Variants in KCNQ1 observed in about 807,000 individuals in gnomAD.
The protein encoded by KCNQ1 is potassium voltage-gated channel subfamily Q member 1.
In KCNQ1, 49 loss-of-function variants were observed where a neutral mutation model predicts 72.4. The observed-to-expected ratio is 0.68, with a 90% CI of 0.54 to 0.86. KCNQ1 has a LOEUF of 0.86. KCNQ1 is among the 40% of genes least tolerant of loss of function. The pLI, the probability that KCNQ1 is intolerant of heterozygous loss-of-function variation, is 0.00. For synonymous variants in KCNQ1, 450 were observed against 412.6 expected, an observed-to-expected ratio of 1.09 and a Z score of -1.10; for missense variants, 790 against 945.1, an observed-to-expected ratio of 0.84 and a Z score of 2.15.
chr11:2,515,607 G>C lies in KCNQ1; in HGVS notation c.387-12321G>C, dbSNP rs570733096. ...GGTGGGGGGTGCACAGGTGCATCTGGTCTGCCCAGCCCCTCCTCACCCTAG... is the reference window on the plus strand; with the variant it reads ...GGTGGGGGGTGCACAGGTGCATCTGCTCTGCCCAGCCCCTCCTCACCCTAG... On this transcript the variant is annotated intron_variant, in intron 1 of 15. Transcript: ENST00000155840. This position sits in a 1 kb window ranked among gnomAD's most constrained non-coding sequence, Gnocchi z 4.7. 2.6e-5 allele frequency among the ~76,000 whole-genome samples: 4 copies of C among 152,276 alleles called. No individual in the cohort carries two copies. The East Asian group carries it at 7.7e-4, about 29-fold the overall frequency.
chr11:2,480,790 C>G (rs1846639088), intron 1 of KCNQ1, among the ~76,000 whole-genome samples: 1 of 150,814 alleles, frequency 6.6e-6, no homozygotes, highest in African/African-American at 2.4e-5. Flanking sequence ...GACAACAGTA[C>G]CACATGGTTA....
intron 11 of KCNQ1, chr11:2,665,552 C>T (rs1850052120): frequency 2.5e-6 from 1 of 394,608 alleles, no homozygotes; most frequent in African/African-American, 2.1e-5. Context: ...CCATCTGCAG[C>T]CACCAGATTT....
chr11:2,743,387 G>A (rs1343270546), intron 11 of KCNQ1, among the ~76,000 whole-genome samples: 1 of 152,206 alleles, frequency 6.6e-6, no homozygotes, highest in Admixed American at 6.5e-5. Flanking sequence ...CTCAGAGCAG[G>A]CCCACCACCC....
chr11:2,632,832 A>C (rs1001172654), intron 10 of KCNQ1: 8 of 398,324 alleles, frequency 2.0e-5, no homozygotes, highest in African/African-American at 1.6e-4. Context: ...ATGGAGATTT[A>C]AGTTGATTCC....
At chr11:2,825,513 GCC>G in intron 15 of KCNQ1, among the ~76,000 whole-genome samples, 1 of 152,344 alleles carries the variant, frequency 6.6e-6, no homozygotes, top group East Asian at 1.9e-4. Flanking sequence ...CAGGGGCCCC[GCC>G]CATGTGCCTG....
chr11:2,749,303 G>A (rs1017425337), intron 11 of KCNQ1, among the ~76,000 whole-genome samples: 1 of 151,990 alleles, frequency 6.6e-6, no homozygotes, highest in African/African-American at 2.4e-5. Context: ...CCTAGAAATC[G>A]AGGGGTGTCG....
intron 2 of KCNQ1, among the ~76,000 whole-genome samples, chr11:2,534,337 G>A (rs966558853): frequency 6.6e-6 from 1 of 152,248 alleles, no homozygotes; most frequent in African/African-American, 2.4e-5. Flanking sequence ...CTCTGCGCAC[G>A]GCCTGGGGCG....
At chr11:2,580,875 G>A (rs1376026437) in intron 6 of KCNQ1, among the ~76,000 whole-genome samples, 2 of 152,194 alleles carry the variant, frequency 1.3e-5, no homozygotes, top group African/African-American at 2.4e-5. Context: ...CTCAAGTCTC[G>A]GGCTGCACGT....
intron 2 of KCNQ1, among the ~76,000 whole-genome samples, chr11:2,568,564 A>G (rs1848280418): frequency 6.6e-6 from 1 of 152,230 alleles, no homozygotes; most frequent in African/African-American, 2.4e-5. Context: ...GCAGTTTCTC[A>G]GAAGCAAAGA....
In KCNQ1 at chr11:2,690,712, T is replaced by G; in HGVS notation, c.1514+28631T>G. 1 of 398,632 alleles carries G rather than the reference T, an allele frequency of 2.5e-6. No homozygotes were observed. The highest frequency in any genetic ancestry group is 4.4e-6 in the Non-Finnish European group (1 of 226,078). The allele number at this position is 398,632 out of a possible 1,614,324, so 24.7% of individuals were successfully genotyped here. A position where few individuals can be genotyped will look rare whatever the true frequency, so the allele number is the denominator to read the frequency against. On this transcript the variant is annotated intron_variant, in intron 11 of 15. Transcript: ENST00000155840. The surrounding 1 kb of genome is among the most constrained non-coding windows in gnomAD (Gnocchi z 5.1). ...TCTCAGAATTCCTGAGGGCTTTCCATTTGATCCCAGTGGTTGAAGATGGAG... is the reference window on the plus strand; with the variant it reads ...TCTCAGAATTCCTGAGGGCTTTCCAGTTGATCCCAGTGGTTGAAGATGGAG...
At chr11:2,755,397 C>T (rs1162471216) in intron 11 of KCNQ1, among the ~76,000 whole-genome samples, 9 of 152,158 alleles carry the variant, frequency 5.9e-5, no homozygotes, top group South Asian at 2.1e-4. Context: ...ACTACACGCA[C>T]GTGCCACCGC....
chr11:2,821,639 C>A (rs1847739841), intron 15 of KCNQ1, among the ~76,000 whole-genome samples: 1 of 152,166 alleles, frequency 6.6e-6, no homozygotes, highest in Non-Finnish European at 1.5e-5. Context: ...TGGGATGGGC[C>A]TTGCGTGCTG....
intron 11 of KCNQ1, among the ~76,000 whole-genome samples, chr11:2,741,155 G>A (rs531116261): frequency 1.3e-5 from 2 of 152,308 alleles, no homozygotes; most frequent in African/African-American, 4.8e-5. Context: ...AGTCTCTGGT[G>A]AGTCTCAGAC....
Position 2,471,725 on chromosome 11 carries a change from GGC to G in KCNQ1, c.386+26243_386+26244del, listed in dbSNP as rs1846466540. 7.2e-6 allele frequency among the ~76,000 whole-genome samples: 1 copy of G among 138,946 alleles called. No individual in the cohort carries two copies. The highest frequency in any genetic ancestry group is 3.0e-5 in the African/African-American group (1 of 32,962). The allele number at this position is 138,946 out of a possible 152,430, so 91.2% of individuals were successfully genotyped here. ...GTATAGGTGTGTGTATGTGTGCATGGGCGTGTGTATGTGTGCATGGGCGTGTG... is the reference window on the plus strand; with the variant it reads ...GTATAGGTGTGTGTATGTGTGCATGGGTGTGTATGTGTGCATGGGCGTGTG... On this transcript the variant is annotated intron_variant, in intron 1 of 15. Coordinates refer to ENST00000155840, the MANE Select transcript of KCNQ1 (RefSeq NM_000218.3). This position sits in a 1 kb window ranked among gnomAD's most constrained non-coding sequence, Gnocchi z 4.8.
chr11:2,765,451 G>A (rs1176392891), intron 11 of KCNQ1, among the ~76,000 whole-genome samples: 1 of 152,120 alleles, frequency 6.6e-6, no homozygotes, highest in Non-Finnish European at 1.5e-5. Flanking sequence ...TGTGCACTAG[G>A]GAAGCTTATG....
rs1846780284 is a variant in KCNQ1 at position 2,488,582 on chromosome 11, G to C, written c.387-39346G>C. Among the ~76,000 whole-genome samples the C allele has an allele frequency of 1.3e-5, 2 of 152,092 alleles. No homozygotes were observed. Among genetic ancestry groups the C allele is most frequent in the Non-Finnish European group, 2.9e-5 (2 of 68,010 alleles). ...ATTTCTTTGTGATTTAGTTTTGGTA[G>C]GTTTCGTGTTTCTCAGAATTTGTCC... On this transcript the variant is annotated intron_variant, in intron 1 of 15. Transcript: ENST00000155840. This position sits in a 1 kb window ranked among gnomAD's most constrained non-coding sequence, Gnocchi z 5.1.
At chr11:2,756,458 A>AAAC (rs56908462) in intron 11 of KCNQ1, among the ~76,000 whole-genome samples, 1 of 146,210 alleles carries the variant, frequency 6.8e-6, no homozygotes, top group African/African-American at 2.5e-5. Flanking sequence ...AAAAAAAAAA[A>AAAC]CATGACTTTT....
In KCNQ1 at chr11:2,745,304, G is replaced by T. The variant is rs1030206714; in HGVS notation, c.1515-23540G>T. On this transcript the variant is annotated intron_variant, in intron 11 of 15. Coordinates refer to ENST00000155840, the MANE Select transcript of KCNQ1 (RefSeq NM_000218.3). This position sits in a 1 kb window ranked among gnomAD's most constrained non-coding sequence, Gnocchi z 6.2. ...AAGGAGTCTCTCTGCATTGAGTCAG[G>T]CCCTCTTGGACCTCTGTTGCCATCT... Among the ~76,000 whole-genome samples, 5 of 152,124 alleles carry T rather than the reference G, an allele frequency of 3.3e-5. No individual in the cohort carries two copies. The highest frequency in any genetic ancestry group is 1.5e-5 in the Non-Finnish European group (1 of 68,030).
intron 1 of KCNQ1, among the ~76,000 whole-genome samples, chr11:2,520,846 T>C (rs1365973284): frequency 6.6e-6 from 1 of 152,058 alleles, no homozygotes; most frequent in Non-Finnish European, 1.5e-5. Flanking sequence ...CAATATTTAA[T>C]CTCTTGAAGT....
Sources: gnomAD v4.1 joint callset for allele counts (sites outside exome capture counted in the v4.1 genomes callset) on GRCh38, gnomAD v4.1.1 for gene constraint, Gnocchi (gnomAD v3.1) non-coding constraint, MANE v1.5 for transcripts, NCBI Gene and HGNC (gene_info 2026-07-23, HGNC 2026-07-21) for gene names.